PDE1C: variants seen among roughly 807,000 people sequenced by gnomAD.
PDE1C encodes phosphodiesterase 1C.
A neutral mutation model predicts 93.1 loss-of-function variants in PDE1C; 62 were observed. The ratio of observed to expected loss-of-function variants is 0.67; its 90% CI spans 0.54 to 0.82. The LOEUF is 0.82. Among genes scored for constraint, PDE1C ranks in the 40% least tolerant of loss-of-function variants. The pLI, the probability that PDE1C is intolerant of heterozygous loss-of-function variation, is 0.00. For missense variants in PDE1C, 742 were observed against 884.6 expected (o/e 0.84, Z 2.04); for synonymous variants, 325 against 310.1 (o/e 1.05, Z -0.50).
intron 1 of PDE1C, among the ~76,000 whole-genome samples, chr7:32,319,357 C>T (rs1057178435): frequency 2.6e-5 from 4 of 152,214 alleles, no homozygotes. Flanking sequence ...CTACACTCCC[C>T]CAGTGATGGC....
chr7:32,291,432 C>T (rs1330661011), intron 1 of PDE1C, among the ~76,000 whole-genome samples: 1 of 152,232 alleles, frequency 6.6e-6, no homozygotes, highest in African/African-American at 2.4e-5. Context: ...GCCCTGCAGG[C>T]ACTCAGAAAC....
At chr7:31,626,646 A>G in the PDE1C span, among the ~76,000 whole-genome samples, 1 of 152,202 alleles carries the variant, frequency 6.6e-6, no homozygotes, top group Non-Finnish European at 1.5e-5. Context: ...CGGTGACACC[A>G]TGCTGTAAAG....
At chr7:31,716,923 G>A in the PDE1C span, among the ~76,000 whole-genome samples, 2 of 152,058 alleles carry the variant, frequency 1.3e-5, no homozygotes, top group African/African-American at 4.8e-5. Flanking sequence ...AACCTACCAA[G>A]ATAAATGAGA....
intron 5 of PDE1C, among the ~76,000 whole-genome samples, chr7:31,877,581 T>A (rs1263702379): frequency 6.6e-6 from 1 of 151,482 alleles, no homozygotes; most frequent in Non-Finnish European, 1.5e-5. Context: ...ATCTATAAAA[T>A]GGACTTGGAG....
the PDE1C span, among the ~76,000 whole-genome samples, chr7:31,717,094 T>C: frequency 1.3e-5 from 2 of 152,230 alleles, no homozygotes; most frequent in African/African-American, 4.8e-5. Flanking sequence ...TGCTCTGTAT[T>C]GTAAGTTATA....
chr7:31,735,494 C>T, the PDE1C span, among the ~76,000 whole-genome samples: 1 of 151,894 alleles, frequency 6.6e-6, no homozygotes, highest in Non-Finnish European at 1.5e-5. Flanking sequence ...CCTCATCAAA[C>T]CATACAGAAG....
intron 1 of PDE1C, among the ~76,000 whole-genome samples, chr7:32,230,249 C>G (rs1807598277): frequency 6.6e-6 from 1 of 152,190 alleles, no homozygotes; most frequent in Non-Finnish European, 1.5e-5. Flanking sequence ...AGTGGCAACT[C>G]AGTTCTGTCT....
the PDE1C span, among the ~76,000 whole-genome samples, chr7:31,668,167 G>T: frequency 5.3e-4 from 81 of 152,166 alleles, no homozygotes; most frequent in Non-Finnish European, 1.1e-3. Flanking sequence ...AGTCCAAAAA[G>T]ATATTAACAA....
chr7:31,989,450 C>T (rs1347241961), intron 2 of PDE1C, among the ~76,000 whole-genome samples: 1 of 152,178 alleles, frequency 6.6e-6, no homozygotes, highest in Non-Finnish European at 1.5e-5. Context: ...ACATTACATA[C>T]ATACATGATA....
At chr7:32,341,531 A>G (rs1436171715) in intron 1 of PDE1C, among the ~76,000 whole-genome samples, 2 of 152,132 alleles carry the variant, frequency 1.3e-5, no homozygotes, top group African/African-American at 4.8e-5. Context: ...AACAGGGGCA[A>G]CCTGGAGAGA....
At chr7:31,879,476 T>G (rs769802290) in intron 3 of PDE1C, among the ~76,000 whole-genome samples, 1 of 152,240 alleles carries the variant, frequency 6.6e-6, no homozygotes, top group East Asian at 1.9e-4. Flanking sequence ...ATTTAAACCT[T>G]CTATTTAAAA....
At chr7:31,917,025 G>A (rs780058969) in intron 2 of PDE1C, among the ~76,000 whole-genome samples, 6 of 152,018 alleles carry the variant, frequency 3.9e-5, no homozygotes, top group Non-Finnish European at 5.9e-5. Context: ...CTACTACCAG[G>A]CATGGACAGA....
At chr7:31,757,893 A>C (rs1794571488) in intron 17 of PDE1C, among the ~76,000 whole-genome samples, 1 of 152,206 alleles carries the variant, frequency 6.6e-6, no homozygotes, top group Non-Finnish European at 1.5e-5. Context: ...ACTTGGAACC[A>C]ACCCAAATGT....
intron 3 of PDE1C, among the ~76,000 whole-genome samples, chr7:32,125,711 C>T (rs1799536027): frequency 1.3e-5 from 2 of 151,784 alleles, no homozygotes; most frequent in African/African-American, 2.4e-5. Flanking sequence ...CACATCAGGG[C>T]CTGTTGGGGG....
At chr7:32,308,664 T>A (rs1407291067) in intron 1 of PDE1C, among the ~76,000 whole-genome samples, 1 of 146,564 alleles carries the variant, frequency 6.8e-6, no homozygotes. Context: ...CCTAGCAAAC[T>A]CCAACAGACC....
intron 2 of PDE1C, among the ~76,000 whole-genome samples, chr7:31,925,039 C>CTGTGTGTGTG (rs70989622): frequency 3.0e-4 from 40 of 135,388 alleles, no homozygotes; most frequent in African/African-American, 1.1e-3. Flanking sequence ...GTAGACATTT[C>CTGTGTGTGTG]TGTGTGTGTG....
intron 1 of PDE1C, among the ~76,000 whole-genome samples, chr7:32,316,931 G>T (rs1234519209): frequency 6.6e-6 from 1 of 152,162 alleles, no homozygotes; most frequent in Non-Finnish European, 1.5e-5. Context: ...GAGGCAATTT[G>T]GTTTCCTCTT....
chr7:32,417,390 C>A (rs1268911521), intron 1 of PDE1C, among the ~76,000 whole-genome samples: 2 of 151,932 alleles, frequency 1.3e-5, no homozygotes, highest in African/African-American at 2.4e-5. Context: ...AATAAAAACA[C>A]CTGTTGAGCA....
chr7:32,128,906 A>AATATATATATATATATAT (rs763801947), intron 3 of PDE1C, among the ~76,000 whole-genome samples: 1 of 56,006 alleles, frequency 1.8e-5, no homozygotes, highest in African/African-American at 6.7e-5. Flanking sequence ...AAGTATAACA[A>AATATATATATATATATAT]ATATATATAT....
Sources: allele counts gnomAD v4.1 joint callset (sites outside exome capture counted in the v4.1 genomes callset), GRCh38; gene constraint gnomAD v4.1.1; transcripts MANE v1.5; gene names NCBI Gene and HGNC (gene_info 2026-07-23, HGNC 2026-07-21).